The following SMARCAD1 variants were observed in gnomAD, a reference collection of about 807,000 sequenced individuals.
The protein encoded by SMARCAD1 is SNF2 related chromatin remodeling ATPase with DExD box 1, also known as SWI/SNF-related matrix-associated actin-dependent regulator of chromatin subfamily A containing DEAD/H box 1.
A neutral mutation model predicts 127.1 loss-of-function variants in SMARCAD1; 25 were observed. The observed-to-expected ratio is 0.20, with a 90% CI of 0.14 to 0.27. The LOEUF is 0.27. SMARCAD1 is among the 10% of genes least tolerant of loss of function. The pLI is 1.00. For synonymous variants in SMARCAD1, 400 were observed against 396.9 expected (o/e 1.01, Z -0.09); for missense variants, 807 against 1,206.0 (o/e 0.67, Z 4.90).
intron 9 of SMARCAD1, among the ~76,000 whole-genome samples, chr4:94,256,612 T>C (rs572129480): frequency 2.8e-4 from 42 of 152,246 alleles, no homozygotes; most frequent in Admixed American, 1.4e-3. Context: ...ATCCACCTGT[T>C]GCGGCCTCTC....
chr4:94,285,436 GTTCT>G (rs745797386), intron 23 of SMARCAD1, among the ~76,000 whole-genome samples: 2 of 152,014 alleles, frequency 1.3e-5, no homozygotes, highest in African/African-American at 2.4e-5. Context: ...ATAAACACGT[GTTCT>G]TTCTTTTATG....
intron 23 of SMARCAD1, among the ~76,000 whole-genome samples, chr4:94,286,610 T>C (rs1158623139): frequency 6.6e-6 from 1 of 152,208 alleles, no homozygotes; most frequent in East Asian, 1.9e-4. Context: ...TTTCTCCTAT[T>C]CTTTCTCCTT....
intron 23 of SMARCAD1, among the ~76,000 whole-genome samples, chr4:94,286,402 G>A (rs1463133441): frequency 6.6e-6 from 1 of 152,178 alleles, no homozygotes; most frequent in African/African-American, 2.4e-5. Flanking sequence ...TGTTCAAGCT[G>A]ATTATAACTT....
At chr4:94,232,571 T>G (rs1746005876) in intron 3 of SMARCAD1, among the ~76,000 whole-genome samples, 1 of 152,182 alleles carries the variant, frequency 6.6e-6, no homozygotes, top group Non-Finnish European at 1.5e-5. Context: ...AGGACAGGCA[T>G]AGTGATAAAG....
intron 8 of SMARCAD1, among the ~76,000 whole-genome samples, chr4:94,251,585 T>G (rs1262910902): frequency 6.6e-6 from 1 of 152,160 alleles, no homozygotes; most frequent in African/African-American, 2.4e-5. Context: ...GTGAAAACAT[T>G]TGAGGAATAC....
intron 2 of SMARCAD1, among the ~76,000 whole-genome samples, chr4:94,217,847 G>A (rs1239675690): frequency 6.6e-6 from 1 of 152,116 alleles, no homozygotes; most frequent in African/African-American, 2.4e-5. Flanking sequence ...AATTTTTAAT[G>A]GAGTAGAACA....
At chr4:94,279,414 A>G (rs938508796) in intron 19 of SMARCAD1, among the ~76,000 whole-genome samples, 3 of 152,302 alleles carry the variant, frequency 2.0e-5, no homozygotes, top group Admixed American at 6.5e-5. Context: ...TGCTGGAATT[A>G]CAGGCATCAG....
intron 9 of SMARCAD1, among the ~76,000 whole-genome samples, chr4:94,256,638 C>G (rs538532951): frequency 1.3e-5 from 2 of 152,306 alleles, no homozygotes; most frequent in South Asian, 4.1e-4. Context: ...GCCGGGGTTA[C>G]AGGCGTGAGC....
At chr4:94,287,475 T>C (rs945848774) in intron 23 of SMARCAD1, among the ~76,000 whole-genome samples, 13 of 152,204 alleles carry the variant, frequency 8.5e-5, no homozygotes, top group Admixed American at 8.5e-4. Context: ...CTCTCAAATA[T>C]GCTTATCAGA....
chr4:94,288,236 A>G (rs1483984242), intron 23 of SMARCAD1, among the ~76,000 whole-genome samples: 1 of 151,704 alleles, frequency 6.6e-6, no homozygotes, highest in East Asian at 1.9e-4. Flanking sequence ...TATATTATTC[A>G]TATCCAGATT....
At chr4:94,250,687 A>G (rs1749151346) in intron 7 of SMARCAD1, 65 bp from the exon 8 acceptor site, 15 of 1,079,814 alleles carry the variant, frequency 1.4e-5, no homozygotes, top group Non-Finnish European at 1.9e-5. Context: ...TTAAAAGAGC[A>G]TAGACGTTTT....
At chr4:94,284,326 C>CAAAAAAAAAAAAAAAAA (rs1161926658) in intron 22 of SMARCAD1, among the ~76,000 whole-genome samples, 2 of 25,926 alleles carry the variant, frequency 7.7e-5, no homozygotes, top group African/African-American at 2.2e-4. Context: ...GACTCCGTCT[C>CAAAAAAAAAAAAAAAAA]AAAAAAAAAA....
intron 2 of SMARCAD1, 95 bp downstream of exon 2, chr4:94,208,679 A>G: frequency 8.6e-7 from 1 of 1,169,496 alleles, no homozygotes; most frequent in South Asian, 1.3e-5. Flanking sequence ...GATGTCATAT[A>G]TATTGATGCA....
intron 6 of SMARCAD1, among the ~76,000 whole-genome samples, chr4:94,246,514 A>G (rs892820118): frequency 1.1e-4 from 17 of 152,128 alleles, no homozygotes; most frequent in East Asian, 3.9e-4. Context: ...TGAGCTCCCA[A>G]TGTCCAGTCT....
intron 2 of SMARCAD1, among the ~76,000 whole-genome samples, chr4:94,214,803 AT>A (rs796334033): frequency 1.5e-3 from 225 of 145,772 alleles, no homozygotes; most frequent in Middle Eastern, 7.2e-3. Flanking sequence ...TGTTTGATGA[AT>A]TTTTTTTTTT....
At chr4:94,239,161 G>T (rs915754069) in intron 5 of SMARCAD1, among the ~76,000 whole-genome samples, 1 of 152,184 alleles carries the variant, frequency 6.6e-6, no homozygotes, top group Non-Finnish European at 1.5e-5. Flanking sequence ...TTTTAGTGTA[G>T]TGCACTTTGA....
intron 3 of SMARCAD1, among the ~76,000 whole-genome samples, chr4:94,233,732 A>G (rs558088443): frequency 2.0e-5 from 3 of 152,302 alleles, no homozygotes; most frequent in African/African-American, 4.8e-5. Flanking sequence ...ATCCCAGCTC[A>G]GGGTTGAGAT....
At chr4:94,239,517 C>T (rs575558982) in intron 5 of SMARCAD1, among the ~76,000 whole-genome samples, 16 of 150,052 alleles carry the variant, frequency 1.1e-4, no homozygotes, top group African/African-American at 3.4e-4. Context: ...GATAAGAGTA[C>T]GAATTTATTG....
intron 6 of SMARCAD1, 151 bp downstream of exon 6, chr4:94,241,157 TG>T (rs1259435295): frequency 1.6e-6 from 1 of 638,050 alleles, no homozygotes; most frequent in Non-Finnish European, 2.8e-6. Flanking sequence ...AATTTGTGAC[TG>T]TTTTTGCTTT....
Sources: allele counts gnomAD v4.1 joint callset (sites outside exome capture counted in the v4.1 genomes callset), GRCh38; gene constraint gnomAD v4.1.1; transcripts MANE v1.5; gene names NCBI Gene and HGNC (gene_info 2026-07-23, HGNC 2026-07-21).